The following NECTIN3 variants were observed in gnomAD, a reference collection of about 807,000 sequenced individuals.
NECTIN3 encodes nectin cell adhesion molecule 3.
NECTIN3 carries 8 observed loss-of-function variants against 49.4 expected under a neutral mutation model. That is an observed-to-expected ratio of 0.16 (90% CI 0.10 to 0.29). The LOEUF is 0.29. NECTIN3 is among the 10% of genes least tolerant of loss of function. NECTIN3 has a pLI of 1.00. For missense variants in NECTIN3, 581 were observed against 654.6 expected, an observed-to-expected ratio of 0.89 and a Z score of 1.23; for synonymous variants, 277 against 241.1, an observed-to-expected ratio of 1.15 and a Z score of -1.38.
At chr3:111,126,535 T>A (rs1467774736) in intron 5 of NECTIN3, among the ~76,000 whole-genome samples, 200 bp downstream of exon 5, 3 of 152,166 alleles carry the variant, frequency 2.0e-5, no homozygotes, top group African/African-American at 7.2e-5. Flanking sequence ...TTTATTGAAA[T>A]GTCAAAGTGT....
In NECTIN3 at chr3:111,112,117, A is replaced by T. The variant is rs1036845546; in HGVS notation, c.248A>T (p.Asn83Ile). Residue 83 changes from asparagine to isoleucine, a missense_variant, in exon 2 of 6, where the codon AAT becomes ATT. By Grantham distance (149) the Asn-to-Ile change is moderately radical. This residue lies in a region of NECTIN3 where 234 missense variants were observed against 340.6 expected (regional missense o/e 0.69). Transcript: ENST00000485303. ...NVSLKCLIEV[N>I]ETITQISWEK... ...TCATTAAAGTGTTTAATTGAAGTAA[A>T]TGAAACCATAACACAGATTTCATGG... is the stretch of plus-strand genomic sequence containing the variant. 3.7e-6 allele frequency: 6 copies of T among 1,613,724 alleles called. No homozygotes were observed. The African/African-American group carries it at 8.0e-5, about 22-fold the overall frequency.
intron 1 of NECTIN3, among the ~76,000 whole-genome samples, chr3:111,078,385 C>A (rs1048701729): frequency 6.6e-6 from 1 of 151,998 alleles, no homozygotes; most frequent in Non-Finnish European, 1.5e-5. Context: ...TTAAAACAGT[C>A]TTTGTTAAAG....
chr3:111,122,108 A>G lies in NECTIN3; in HGVS notation c.800-13A>G, dbSNP rs914248825. 4.6e-6 allele frequency: 7 copies of G among 1,533,996 alleles called. No individual in the cohort carries two copies. The African/African-American group carries it at 5.5e-5, about 12-fold the overall frequency. On this transcript the variant is annotated splice_polypyrimidine_tract_variant and intron_variant, in intron 3 of 5. Coordinates refer to ENST00000485303, the MANE Select transcript of NECTIN3 (RefSeq NM_015480.3). ...CAAAAGGTAATCTGTCCTGTCATGC[A>G]TTTATTTTATAGATGCTCCTGAAGT...
chr3:111,145,170 C>T (rs563247914), intron 6 of NECTIN3: 5 of 1,052,560 alleles, frequency 4.8e-6, no homozygotes, highest in African/African-American at 1.6e-5. Flanking sequence ...GTTAGATGAC[C>T]GTGGTTTCAT....
intron 1 of NECTIN3, among the ~76,000 whole-genome samples, chr3:111,086,160 G>GTTTTTATAAACAA (rs2031911370): frequency 6.6e-6 from 1 of 151,788 alleles, no homozygotes; most frequent in African/African-American, 2.4e-5. Context: ...CTTTTTATGG[G>GTTTTTATAAACAA]TTCCTAGGAA....
Position 111,137,060 on chromosome 3 carries a change from C to A in NECTIN3, c.*2845C>A, listed in dbSNP as rs1320873631. ...GAAAGTTTTATAAGATAACCCACGG[C>A]TAAATATTTTGCATTAAGGAGCTGT... is the stretch of plus-strand genomic sequence containing the variant. On this transcript the variant is annotated 3_prime_UTR_variant, in exon 6 of 6. Coordinates refer to ENST00000485303, the MANE Select transcript of NECTIN3 (RefSeq NM_015480.3). 16 of 982,436 alleles carry A rather than the reference C, an allele frequency of 1.6e-5. No individual in the cohort carries two copies. The South Asian group carries it at 7.1e-4, about 43-fold the overall frequency. The allele number at this position is 982,436 out of a possible 1,614,324, so 60.9% of individuals were successfully genotyped here. A position where few individuals can be genotyped will look rare whatever the true frequency, so the allele number is the denominator to read the frequency against.
chr3:111,145,661 A>C (rs2034856422), intron 6 of NECTIN3, among the ~76,000 whole-genome samples: 1 of 152,194 alleles, frequency 6.6e-6, no homozygotes, highest in Non-Finnish European at 1.5e-5. Flanking sequence ...TTGTTGCTTC[A>C]TCTGAGAAAT....
chr3:111,113,188 G>GC (rs1442227486), intron 2 of NECTIN3, among the ~76,000 whole-genome samples: 2 of 152,156 alleles, frequency 1.3e-5, no homozygotes, highest in Admixed American at 6.5e-5. Flanking sequence ...GGCAGTGGTA[G>GC]CCAGGGGTAA....
rs1385140543 is a variant in NECTIN3, at chr3:111,136,676, A to G, written c.*2461A>G. The G allele has an allele frequency of 2.0e-5, 18 of 905,232 alleles. No individual in the cohort carries two copies. The highest frequency in any genetic ancestry group is 5.4e-5 in the African/African-American group (3 of 55,060). The allele number at this position is 905,232 out of a possible 1,614,324, so 56.1% of individuals were successfully genotyped here. A position where few individuals can be genotyped will look rare whatever the true frequency, so the allele number is the denominator to read the frequency against. On this transcript the variant is annotated 3_prime_UTR_variant, in exon 6 of 6. Transcript: ENST00000485303. ...TATATATGAAAATTCTACTATCGTG[A>G]AAAAAAATGAATATTTGTACTATTT...
intron 1 of NECTIN3, among the ~76,000 whole-genome samples, chr3:111,104,592 A>G (rs112727157): frequency 1.3e-5 from 2 of 151,938 alleles, no homozygotes; most frequent in African/African-American, 4.8e-5. Context: ...AGTTGCTAGG[A>G]TTACAGTCAT....
chr3:111,103,192 G>C (rs2033003171), intron 1 of NECTIN3, among the ~76,000 whole-genome samples: 1 of 152,134 alleles, frequency 6.6e-6, no homozygotes, highest in African/African-American at 2.4e-5. Context: ...ATAACTTGCT[G>C]AGATTTTGAT....
At chr3:111,073,222 AG>A (rs1229927065) in intron 1 of NECTIN3, among the ~76,000 whole-genome samples, 1 of 152,124 alleles carries the variant, frequency 6.6e-6, no homozygotes, top group Non-Finnish European at 1.5e-5. Flanking sequence ...GCTTGGTCAA[AG>A]ATTGGTTTTC....
intron 1 of NECTIN3, among the ~76,000 whole-genome samples, chr3:111,082,349 A>G (rs1408313351): frequency 1.3e-5 from 2 of 152,076 alleles, no homozygotes; most frequent in African/African-American, 4.8e-5. Context: ...GCATTGAATG[A>G]GCTGTTTCAG....
intron 5 of NECTIN3, among the ~76,000 whole-genome samples, chr3:111,127,277 G>A (rs555859583): frequency 6.6e-6 from 1 of 152,088 alleles, no homozygotes; most frequent in African/African-American, 2.4e-5. Flanking sequence ...CTCAGTCCTT[G>A]TGTGATCAGT....
chr3:111,139,365 T>C (rs1438064960), downstream of NECTIN3, among the ~76,000 whole-genome samples: 1 of 151,796 alleles, frequency 6.6e-6, no homozygotes, highest in Non-Finnish European at 1.5e-5. Context: ...TTGCAATTTA[T>C]TTCTTAAAGA....
intron 7 of NECTIN3, among the ~76,000 whole-genome samples, chr3:111,168,368 C>A (rs1041178139): frequency 6.6e-6 from 1 of 152,082 alleles, no homozygotes; most frequent in African/African-American, 2.4e-5. Context: ...GACAGGAAGA[C>A]AAGAATAAGC....
chr3:111,165,718 G>GC (rs1424173144), intron 7 of NECTIN3, among the ~76,000 whole-genome samples: 2 of 152,146 alleles, frequency 1.3e-5, no homozygotes, highest in African/African-American at 2.4e-5. Context: ...CTTTGCATGA[G>GC]CATCACTATT....
At chr3:111,148,472 G>A (rs1302757191) in intron 7 of NECTIN3, among the ~76,000 whole-genome samples, 1 of 152,192 alleles carries the variant, frequency 6.6e-6, no homozygotes, top group African/African-American at 2.4e-5. Flanking sequence ...CATAAAGAGT[G>A]TAGTCTCATC....
downstream of NECTIN3, chr3:111,137,597 C>G (rs2034626548): frequency 1.4e-6 from 1 of 691,540 alleles, no homozygotes; most frequent in Admixed American, 6.4e-5. Flanking sequence ...ATGTTACCAT[C>G]TTTGTCCTCG....
Sources: gnomAD v4.1 joint callset for allele counts (sites outside exome capture counted in the v4.1 genomes callset) on GRCh38, gnomAD v4.1.1 for gene constraint, gnomAD v4.1.1 regional missense constraint, MANE v1.5 for transcripts, NCBI Gene and HGNC (gene_info 2026-07-23, HGNC 2026-07-21) for gene names.